SNTG1: variants seen among roughly 807,000 people sequenced by gnomAD.
The protein encoded by SNTG1 is syntrophin gamma 1, also known as gamma-1-syntrophin.
SNTG1 carries 39 observed loss-of-function variants against 74.7 expected under a neutral mutation model. The observed-to-expected ratio is 0.52, with a 90% CI of 0.40 to 0.68. The LOEUF is 0.68. Ranked by LOEUF, SNTG1 falls within the 30% of genes least tolerant of loss-of-function variation. SNTG1 has a pLI of 0.00. For missense variants in SNTG1, 685 were observed against 609.5 expected, an observed-to-expected ratio of 1.12 and a Z score of -1.30; for synonymous variants, 254 against 217.1, an observed-to-expected ratio of 1.17 and a Z score of -1.49.
intron 15 of SNTG1, among the ~76,000 whole-genome samples, chr8:50,660,338 GAAAGAGAA>G (rs1415016087): frequency 4.4e-4 from 56 of 128,692 alleles, no homozygotes; most frequent in African/African-American, 1.6e-3. Context: ...AAGAAAGAAA[GAAAGAGAA>G]AGAAAGAAAG....
chr8:50,613,759 T>A (rs998890357), intron 13 of SNTG1, among the ~76,000 whole-genome samples: 1 of 152,138 alleles, frequency 6.6e-6, no homozygotes, highest in Admixed American at 6.5e-5. Flanking sequence ...AGAAGTTTTT[T>A]AACAAAATAT....
intron 17 of SNTG1, among the ~76,000 whole-genome samples, chr8:50,737,913 A>G (rs993390664): frequency 2.6e-5 from 4 of 152,154 alleles, no homozygotes; most frequent in Non-Finnish European, 5.9e-5. Flanking sequence ...GTATCTCAAA[A>G]TAATAAGAGC....
intron 8 of SNTG1, among the ~76,000 whole-genome samples, chr8:50,496,367 C>T (rs2093904420): frequency 2.0e-5 from 3 of 152,250 alleles, no homozygotes; most frequent in East Asian, 1.9e-4. Context: ...GAGGTGTGTG[C>T]GTGTTTCCTG....
intron 3 of SNTG1, 149 bp from the exon 4 acceptor site, chr8:50,402,061 G>GTTAAA: frequency 1.4e-6 from 1 of 698,706 alleles, no homozygotes; most frequent in Non-Finnish European, 2.3e-6. Context: ...TTGCACCCAC[G>GTTAAA]TTAAGTATTC....
At chr8:50,217,451 T>A (rs1242075195) in intron 2 of SNTG1, among the ~76,000 whole-genome samples, 3 of 152,130 alleles carry the variant, frequency 2.0e-5, no homozygotes, top group African/African-American at 7.2e-5. Flanking sequence ...CACCTATTTG[T>A]ACTCTTACTT....
At chr8:50,385,423 C>T (rs2092558817) in intron 2 of SNTG1, among the ~76,000 whole-genome samples, 1 of 152,196 alleles carries the variant, frequency 6.6e-6, no homozygotes, top group Non-Finnish European at 1.5e-5. Flanking sequence ...CACTGGACCC[C>T]CAGAAACTTT....
chr8:50,715,147 G>A (rs919894441), intron 17 of SNTG1, among the ~76,000 whole-genome samples: 2 of 152,166 alleles, frequency 1.3e-5, no homozygotes, highest in African/African-American at 4.8e-5. Context: ...CCACACCTGA[G>A]ACCTAGCATT....
At chr8:50,546,858 T>C (rs1393099366) in intron 11 of SNTG1, among the ~76,000 whole-genome samples, 2 of 152,164 alleles carry the variant, frequency 1.3e-5, no homozygotes, top group Non-Finnish European at 2.9e-5. Context: ...CTCGGCTCAC[T>C]GCAACCTCTG....
intron 18 of SNTG1, among the ~76,000 whole-genome samples, chr8:50,761,362 G>A (rs976829861): frequency 6.6e-6 from 1 of 151,944 alleles, no homozygotes; most frequent in African/African-American, 2.4e-5. Flanking sequence ...GGAGGGGAGT[G>A]TTCTACAGCT....
intron 1 of SNTG1, among the ~76,000 whole-genome samples, chr8:49,931,542 C>T (rs1009073410): frequency 3.9e-5 from 6 of 152,110 alleles, no homozygotes; most frequent in African/African-American, 1.4e-4. Context: ...ACATGTAACC[C>T]TAAATCTAAA....
chr8:50,032,089 T>C (rs1817785206), intron 1 of SNTG1, among the ~76,000 whole-genome samples: 1 of 152,140 alleles, frequency 6.6e-6, no homozygotes, highest in Non-Finnish European at 1.5e-5. Context: ...TTGTTTATAG[T>C]AATTCTTTTT....
In SNTG1 at chr8:50,652,198, G is replaced by A. The variant is rs144828214; in HGVS notation, c.850-4711G>A. Among the ~76,000 whole-genome samples the A allele has an allele frequency of 6.2e-3, 942 of 152,224 alleles. 8 individuals carry two copies. The highest frequency in any genetic ancestry group is 0.022 in the African/African-American group (905 of 41,532). ...CCACATGTCATTTGAATGGCAAAACGCATTTAATACGTGCTTTATCACCTA... is the reference window on the plus strand; with the variant it reads ...CCACATGTCATTTGAATGGCAAAACACATTTAATACGTGCTTTATCACCTA... On this transcript the variant is annotated intron_variant, in intron 13 of 18. Transcript: ENST00000642720.
intron 8 of SNTG1, among the ~76,000 whole-genome samples, chr8:50,479,216 A>T (rs1281322436): frequency 9.9e-5 from 15 of 152,168 alleles, no homozygotes; most frequent in Admixed American, 9.8e-4. Context: ...ATTTTGTGAT[A>T]ATAATCTTTC....
intron 2 of SNTG1, among the ~76,000 whole-genome samples, chr8:50,236,729 T>C (rs1032884153): frequency 3.3e-5 from 5 of 151,954 alleles, no homozygotes; most frequent in Admixed American, 6.6e-5. Context: ...GGATTACAGG[T>C]GTGAGCCACC....
chr8:50,792,616 A>G, intron 18 of SNTG1, 55 bp from the exon 19 acceptor site: 2 of 1,510,490 alleles, frequency 1.3e-6, no homozygotes, highest in Non-Finnish European at 1.8e-6. Flanking sequence ...GCTATTATAA[A>G]TTTTTAAAGA....
chr8:50,219,115 G>A (rs1303756257), intron 2 of SNTG1, among the ~76,000 whole-genome samples: 3 of 152,208 alleles, frequency 2.0e-5, no homozygotes, highest in African/African-American at 7.2e-5. Context: ...AAACTTTGAT[G>A]TTTTGGCTTA....
intron 1 of SNTG1, among the ~76,000 whole-genome samples, chr8:50,167,685 C>T (rs924899015): frequency 4.7e-5 from 7 of 150,414 alleles, no homozygotes; most frequent in South Asian, 2.1e-4. Flanking sequence ...TGGTGGCATG[C>T]GCCTGTAGTC....
At chr8:50,197,996 CTT>C (rs1256235354) in intron 2 of SNTG1, among the ~76,000 whole-genome samples, 2 of 152,104 alleles carry the variant, frequency 1.3e-5, no homozygotes, top group African/African-American at 2.4e-5. Context: ...AAATCTCTCT[CTT>C]GTGTTCTGTT....
At chr8:50,452,753 A>G (rs1372628865) in intron 8 of SNTG1, among the ~76,000 whole-genome samples, 1 of 152,158 alleles carries the variant, frequency 6.6e-6, no homozygotes, top group Non-Finnish European at 1.5e-5. Context: ...ATGAGTACTA[A>G]TATTTTTATT....
Sources: gnomAD v4.1 joint callset for allele counts (sites outside exome capture counted in the v4.1 genomes callset) on GRCh38, gnomAD v4.1.1 for gene constraint, MANE v1.5 for transcripts, NCBI Gene and HGNC (gene_info 2026-07-23, HGNC 2026-07-21) for gene names.